ENPP3: variants seen among roughly 807,000 people sequenced by gnomAD.
ENPP3 encodes ectonucleotide pyrophosphatase/phosphodiesterase 3.
Under a neutral mutation model 117.8 loss-of-function variants are expected in ENPP3, and 104 were observed. The observed-to-expected ratio is 0.88, with a 90% CI of 0.75 to 1.04. The LOEUF (loss-of-function observed/expected upper bound fraction) is 1.04. Ranked by LOEUF, ENPP3 falls within the 50% of genes least tolerant of loss-of-function variation. The probability of loss-of-function intolerance (pLI) is 0.00; values close to 1 mark genes in which losing one functional copy is unlikely to be tolerated. For synonymous variants in ENPP3, 380 were observed against 349.9 expected, an observed-to-expected ratio of 1.09 and a Z score of -0.96; for missense variants, 1,026 against 1,051.9, an observed-to-expected ratio of 0.98 and a Z score of 0.34.
At chr6:131,689,220 T>G (rs936360887) in intron 14 of ENPP3, among the ~76,000 whole-genome samples, 1 of 152,166 alleles carries the variant, frequency 6.6e-6, no homozygotes, top group African/African-American at 2.4e-5. Flanking sequence ...AGCAACATAT[T>G]TTCAATGTAG....
chr6:131,674,970 T>C (rs776370864), intron 8 of ENPP3, 110 bp from the exon 9 acceptor site: 29 of 646,174 alleles, frequency 4.5e-5, no homozygotes, highest in Non-Finnish European at 7.4e-5. Flanking sequence ...AGATTAAAAT[T>C]TCAATTTTAA....
At chr6:131,675,888 T>C (rs1778857601) in intron 9 of ENPP3, among the ~76,000 whole-genome samples, 1 of 152,118 alleles carries the variant, frequency 6.6e-6, no homozygotes, top group African/African-American at 2.4e-5. Context: ...AGTCCAATTA[T>C]GGCATTATTT....
At position 131,685,395 on chromosome 6, in the gene ENPP3, A is replaced by G; in HGVS notation, c.1152A>G (p.Glu384=). The change falls in exon 13 of 25, where the codon GAA becomes GAG. Residue 384 remains glutamate, a synonymous_variant. Coordinates refer to ENST00000357639, the MANE Select transcript of ENPP3 (RefSeq NM_005021.5). ...GMDQTYCNKM[E]YMTDYFPRIN... ...ACCAGACTTATTGTAACAAGATGGA[A>G]TACATGACTGATTATTTTCCCAGAA... is the stretch of plus-strand genomic sequence containing the variant. 6.2e-7 allele frequency: 1 copy of G among 1,612,454 alleles called. No homozygotes were observed. Among genetic ancestry groups the G allele is most frequent in the Non-Finnish European group, 8.5e-7 (1 of 1,178,460 alleles).
At chr6:131,653,567 A>G (rs1778310528) in intron 5 of ENPP3, among the ~76,000 whole-genome samples, 1 of 152,054 alleles carries the variant, frequency 6.6e-6, no homozygotes, top group Non-Finnish European at 1.5e-5. Context: ...TCCTTTTTTA[A>G]ATAACTTAAT....
At chr6:131,736,240 T>C (rs538926146) in intron 21 of ENPP3, among the ~76,000 whole-genome samples, 17 of 152,306 alleles carry the variant, frequency 1.1e-4, no homozygotes, top group African/African-American at 3.4e-4. Flanking sequence ...TGATTTGTGG[T>C]GTTCCCTTCA....
intron 15 of ENPP3, chr6:131,710,191 A>G: frequency 6.2e-7 from 1 of 1,610,144 alleles, no homozygotes; most frequent in Non-Finnish European, 8.5e-7. Flanking sequence ...CTGATCTTTC[A>G]TCATTGGCAA....
chr6:131,664,272 G>A (rs373689178), intron 6 of ENPP3, among the ~76,000 whole-genome samples: 3 of 152,064 alleles, frequency 2.0e-5, no homozygotes, highest in African/African-American at 7.2e-5. Context: ...GCTAATGTGT[G>A]AGTTTGTATC....
chr6:131,678,442 G>A (rs3883882), intron 11 of ENPP3, among the ~76,000 whole-genome samples: 114,517 of 152,184 alleles, frequency 0.75, 44,457 homozygotes, highest in East Asian at 0.97. Context: ...TCTCTAATAT[G>A]AGTTTATTCA....
chr6:131,642,135 G>A (rs938561688), intron 2 of ENPP3, among the ~76,000 whole-genome samples: 1 of 152,046 alleles, frequency 6.6e-6, no homozygotes, highest in Non-Finnish European at 1.5e-5. Flanking sequence ...GTGGATCACA[G>A]CCTTTTCATT....
intron 19 of ENPP3, 22 bp from the exon 20 acceptor site, chr6:131,726,024 T>C (rs373066902): frequency 2.7e-5 from 43 of 1,577,428 alleles, no homozygotes; most frequent in Non-Finnish European, 2.0e-5. Flanking sequence ...AACCTTTTTA[T>C]TTTATGTTAT....
intron 24 of ENPP3, among the ~76,000 whole-genome samples, chr6:131,743,910 AG>A (rs1369918789): frequency 2.0e-5 from 3 of 152,222 alleles, no homozygotes; most frequent in African/African-American, 7.2e-5. Context: ...CAGAAAGTGT[AG>A]TACATTCACA....
intron 3 of ENPP3, among the ~76,000 whole-genome samples, 170 bp downstream of exon 3, chr6:131,650,319 A>C (rs750055536): frequency 1.3e-5 from 2 of 151,986 alleles, no homozygotes; most frequent in African/African-American, 2.4e-5. Context: ...TCCTGGGTCC[A>C]ATTGATCTTT....
intron 2 of ENPP3, among the ~76,000 whole-genome samples, chr6:131,644,422 AGTAGC>A (rs1450353099): frequency 1.3e-5 from 2 of 152,238 alleles, no homozygotes; most frequent in Non-Finnish European, 2.9e-5. Flanking sequence ...AAACCAGGGC[AGTAGC>A]ATTGTAGCTG....
intron 7 of ENPP3, among the ~76,000 whole-genome samples, chr6:131,672,760 ACATATATATG>A (rs1395639102): frequency 1.3e-5 from 2 of 151,590 alleles, no homozygotes; most frequent in Non-Finnish European, 2.9e-5. Flanking sequence ...ATATTTTTAT[ACATATATATG>A]CATATATATT....
rs1178074517 is a variant in ENPP3, at chr6:131,746,887, T to C, written c.2559T>C (p.Asp853=). ...ELLTGLDFYQ[D]KVQPVSEILQ... is the part of the protein sequence containing the mutation. ...TCACTGGGCTTGACTTCTATCAGGA[T>C]AAAGTGCAGCCTGTCTCTGAAATTT... Residue 853 remains aspartate, a synonymous_variant, in exon 25 of 25, where the codon GAT becomes GAC. Coordinates refer to ENST00000357639, the MANE Select transcript of ENPP3 (RefSeq NM_005021.5). 3 of 1,612,902 alleles carry C rather than the reference T, an allele frequency of 1.9e-6. No individual in the cohort carries two copies. Among genetic ancestry groups the C allele is most frequent in the Non-Finnish European group, 1.7e-6 (2 of 1,179,232 alleles).
At chr6:131,678,953 CT>C (rs1214223580) in intron 11 of ENPP3, among the ~76,000 whole-genome samples, 1 of 104,738 alleles carries the variant, frequency 9.5e-6, no homozygotes, top group Non-Finnish European at 1.7e-5. Context: ...TTCTTTCTTT[CT>C]TTCTTTCCTT....
At chr6:131,728,970 T>C (rs1309065997) in intron 20 of ENPP3, among the ~76,000 whole-genome samples, 2 of 152,218 alleles carry the variant, frequency 1.3e-5, no homozygotes, top group Non-Finnish European at 2.9e-5. Flanking sequence ...CTGTTTAAAA[T>C]AGGTATTTCA....
At chr6:131,740,148 C>G in intron 23 of ENPP3, 76 bp from the exon 24 acceptor site, 1 of 1,123,418 alleles carries the variant, frequency 8.9e-7, no homozygotes, top group South Asian at 2.6e-5. Flanking sequence ...ATGAAAAAAA[C>G]TATGTAAACA....
At chr6:131,679,022 C>CTTTCT (rs1778952637) in intron 11 of ENPP3, among the ~76,000 whole-genome samples, 1 of 59,124 alleles carries the variant, frequency 1.7e-5, no homozygotes, top group South Asian at 7.4e-4. Context: ...TCCTTCCTTC[C>CTTTCT]TTCCTTCTTT....
Sources: gnomAD v4.1 joint callset for allele counts (sites outside exome capture counted in the v4.1 genomes callset) on GRCh38, gnomAD v4.1.1 for gene constraint, MANE v1.5 for transcripts, NCBI Gene and HGNC (gene_info 2026-07-23, HGNC 2026-07-21) for gene names.